Variants in CAVIN2 observed in about 807,000 individuals in gnomAD.
CAVIN2 encodes caveolae associated protein 2.
A neutral mutation model predicts 11.7 loss-of-function variants in CAVIN2; 13 were observed. That is an observed-to-expected ratio of 1.11 (90% CI 0.72 to 1.77). The LOEUF is 1.77. Among genes scored for constraint, CAVIN2 ranks in the 40% most tolerant of loss-of-function variants. CAVIN2 has a pLI of 0.00. For missense variants in CAVIN2, 549 were observed against 542.9 expected (o/e 1.01, Z -0.11); for synonymous variants, 237 against 223.2 (o/e 1.06, Z -0.55).
At position 191,841,982 on chromosome 2, in the gene CAVIN2, C is replaced by T. The variant is rs1005755073; in HGVS notation, c.483+4461G>A. Among the ~76,000 whole-genome samples the T allele has an allele frequency of 6.6e-5, 10 of 152,228 alleles. No individual in the cohort carries two copies. The South Asian group carries it at 1.0e-3, about 16-fold the overall frequency. ...AATATCCCATATGGGAACATTGTAG[C>T]GTGATAGAAACATGGCGAGTTGTCA... On this transcript the variant is annotated intron_variant, in intron 1 of 1. Coordinates refer to ENST00000304141, the MANE Select transcript of CAVIN2 (RefSeq NM_004657.6).
chr2:191,838,449 C>T (rs4074881), intron 1 of CAVIN2, among the ~76,000 whole-genome samples: 1,642 of 152,180 alleles, frequency 0.011, 25 homozygotes, highest in African/African-American at 0.036. Context: ...TGTCTTGTGT[C>T]GACGCAAAAA....
chr2:191,836,770 T>A, intron 1 of CAVIN2, 53 bp from the exon 2 acceptor site: 1 of 1,503,472 alleles, frequency 6.7e-7, no homozygotes. Flanking sequence ...TCACAAATAG[T>A]CCTGAGCTGC....
intron 1 of CAVIN2, among the ~76,000 whole-genome samples, chr2:191,842,969 A>T (rs779261205): frequency 5.9e-5 from 9 of 152,238 alleles, no homozygotes; most frequent in Non-Finnish European, 1.3e-4. Flanking sequence ...GGATCACCTG[A>T]TGTCAGGAGT....
Position 191,846,593 on chromosome 2 carries a change from C to A in CAVIN2, c.333G>T (p.Val111=). The part of the protein sequence containing the change: ...SKYQASTSNT[V]SKLLEKSRKV... ...TGCGGGACTTCTCCAGCAGCTTGCT[C>A]ACCGTGTTGCTGGTGGAGGCCTGGT... is the stretch of plus-strand genomic sequence containing the variant. Residue 111 remains valine, a synonymous_variant, in exon 1 of 2, where the codon GTG becomes GTT. Transcript: ENST00000304141. 1 of 1,614,270 alleles carries A rather than the reference C, an allele frequency of 6.2e-7. No homozygotes were observed. The highest frequency in any genetic ancestry group is 1.1e-5 in the South Asian group (1 of 91,090).
Position 191,836,184 on chromosome 2 carries a change from T to C in CAVIN2, c.1017A>G (p.Glu339=). Residue 339 remains glutamate (E), a synonymous_variant, in exon 2 of 2, where the codon GAA becomes GAG. Coordinates refer to ENST00000304141, the MANE Select transcript of CAVIN2 (RefSeq NM_004657.6). ...CCACCAGAGCGCTGGCGAGGGACGC[T>C]TCGGAATGACCCTCTGCAAAGGACT... The part of the protein sequence containing the change: ...EEESFAEGHS[E]ASLASALVEG... 1 of 1,614,136 alleles carries C rather than the reference T, an allele frequency of 6.2e-7. No individual in the cohort carries two copies. The highest frequency in any genetic ancestry group is 8.5e-7 in the Non-Finnish European group (1 of 1,180,030).
chr2:191,846,396 G>A, intron 1 of CAVIN2, 47 bp downstream of exon 1: 3 of 1,546,486 alleles, frequency 1.9e-6, no homozygotes, highest in Non-Finnish European at 2.6e-6. Context: ...GATCAAGAAT[G>A]ATAAGGAGTT....
rs1690005069 is a variant in CAVIN2 at position 191,835,874 on chromosome 2, C to T, written c.*49G>A. The T allele has an allele frequency of 5.1e-6, 8 of 1,554,060 alleles. No homozygotes were observed. On this transcript the variant is annotated 3_prime_UTR_variant, in exon 2 of 2. Coordinates refer to ENST00000304141, the MANE Select transcript of CAVIN2 (RefSeq NM_004657.6). ...GATGTGCAAGAGTTTGTTCTTCAGC[C>T]CTGGCTGCCCGCTTGAGCACAGCAC...
rs920625240 is a variant in CAVIN2, at chr2:191,846,883, C to T, written c.43G>A (p.Gly15Arg). ...GGCTTTTCCTGCCGCATGTCAGACC[C>T]AGGGTGCTGGAACTTTTCGGCCTGT... is the stretch of plus-strand genomic sequence containing the variant. The part of the protein sequence containing the change: ...AAQAEKFQHP[G>R]SDMRQEKPSS... The change falls in exon 1 of 2, where the codon GGG (glycine) becomes AGG (arginine). Residue 15 changes from glycine (G) to arginine (R), a missense_variant. By Grantham distance (125) the Gly-to-Arg change is moderately radical. Coordinates refer to ENST00000304141, the MANE Select transcript of CAVIN2 (RefSeq NM_004657.6). The T allele has an allele frequency of 3.7e-6, 6 of 1,613,778 alleles. No individual in the cohort carries two copies. Among genetic ancestry groups the T allele is most frequent in the Non-Finnish European group, 5.1e-6 (6 of 1,179,860 alleles).
At chr2:191,840,735 C>T (rs905669106) in intron 1 of CAVIN2, among the ~76,000 whole-genome samples, 5 of 152,080 alleles carry the variant, frequency 3.3e-5, no homozygotes, top group South Asian at 2.1e-4. Context: ...ATATGCACAC[C>T]TTAACAGAAA....
At chr2:191,840,392 C>T (rs1397303765) in intron 1 of CAVIN2, among the ~76,000 whole-genome samples, 4 of 152,170 alleles carry the variant, frequency 2.6e-5, no homozygotes, top group African/African-American at 9.7e-5. Flanking sequence ...TGATTATTTA[C>T]CCTTTGTTTT....
Position 191,835,649 on chromosome 2 carries a change from A to T in CAVIN2, c.*274T>A. On this transcript the variant is annotated 3_prime_UTR_variant, in exon 2 of 2. Transcript: ENST00000304141. ...CTGTTTTTTTCTGACTAAGTCAAAG[A>T]GATTAGCATTTTTCAACTGCTCAGT... is the stretch of plus-strand genomic sequence containing the variant. 2.4e-6 allele frequency: 1 copy of T among 411,686 alleles called. No homozygotes were observed. The highest frequency in any genetic ancestry group is 4.3e-6 in the Non-Finnish European group (1 of 230,984). 25.5% of individuals were successfully genotyped at this position (411,686 alleles called of 1,614,324 possible).
In CAVIN2 at chr2:191,846,659, G is replaced by C; in HGVS notation, c.267C>G (p.Ser89=). The C allele has an allele frequency of 6.2e-7, 1 of 1,614,170 alleles. No individual in the cohort carries two copies. The highest frequency in any genetic ancestry group is 8.5e-7 in the Non-Finnish European group (1 of 1,180,022). Residue 89 remains serine (S), a synonymous_variant, in exon 1 of 2, where the codon TCC becomes TCG. Coordinates refer to ENST00000304141, the MANE Select transcript of CAVIN2 (RefSeq NM_004657.6). ...MEQRQISLEG[S]VKGIQNDLTK... ...TGAGGTCATTCTGGATGCCCTTCAC[G>C]GAGCCCTCCAAACTGATCTGTCGCT...
At chr2:191,840,642 A>G (rs1690080129) in intron 1 of CAVIN2, among the ~76,000 whole-genome samples, 1 of 152,200 alleles carries the variant, frequency 6.6e-6, no homozygotes, top group Admixed American at 6.5e-5. Flanking sequence ...GTATCAACAC[A>G]GACAAACTTG....
rs1052484798 is a variant in CAVIN2 at position 191,836,693 on chromosome 2, C to G, written c.508G>C (p.Val170Leu). The G allele has an allele frequency of 6.2e-7, 1 of 1,612,850 alleles. No individual in the cohort carries two copies. The highest frequency in any genetic ancestry group is 1.1e-5 in the South Asian group (1 of 90,998). Residue 170 changes from valine (V) to leucine (L), a missense_variant, in exon 2 of 2, where the codon GTG becomes CTG. By Grantham distance (32) the Val-to-Leu change is conservative. Transcript: ENST00000304141. ...FQEENEIPAS[V>L]FVKQPVSGAV... The stretch of plus-strand genomic sequence containing the variant: ...CCGGAAACGGGCTGTTTCACAAACA[C>G]GCTGGCAGGGATCTCATTTTCCTCC...
chr2:191,836,429 G>A lies in CAVIN2; in HGVS notation c.772C>T (p.Leu258=), dbSNP rs764156694. Reference sequence around the variant, plus strand: ...TCTACAGATACGATCTTTGTCCCCAGCTTGTTCATCTTTTTCTCGATGTTC... The same window carrying A: ...TCTACAGATACGATCTTTGTCCCCAACTTGTTCATCTTTTTCTCGATGTTC... ...RQNIEKKMNK[L]GTKIVSVERR... Residue 258 remains leucine, a synonymous_variant, in exon 2 of 2, where the codon CTG becomes TTG. Transcript: ENST00000304141. 2.5e-6 allele frequency: 4 copies of A among 1,614,130 alleles called. No homozygotes were observed. The highest frequency in any genetic ancestry group is 3.4e-6 in the Non-Finnish European group (4 of 1,180,032).
rs116274727 is a variant in CAVIN2 at position 191,836,539 on chromosome 2, T to C, written c.662A>G (p.Glu221Gly). 5.6e-3 allele frequency: 9,038 copies of C among 1,614,136 alleles called. 40 individuals are homozygous for C. Among genetic ancestry groups the C allele is most frequent in the Non-Finnish European group, 6.7e-3 (7,872 of 1,180,030 alleles). The change falls in exon 2 of 2, where the codon GAA becomes GGA. Residue 221 changes from glutamate (E) to glycine (G), a missense_variant. Coordinates refer to ENST00000304141, the MANE Select transcript of CAVIN2 (RefSeq NM_004657.6). ...DEEALEDSAE[E>G]KVEESRAEKI... is the part of the protein sequence containing the mutation. ...CTCTGCCCTACTTTCTTCCACCTTT[T>C]CCTCGGCACTGTCTTCCAGGGCCTC...
At chr2:191,837,012 C>T (rs923351177) in intron 1 of CAVIN2, among the ~76,000 whole-genome samples, 3 of 152,150 alleles carry the variant, frequency 2.0e-5, no homozygotes. Flanking sequence ...AGGAAGCTGC[C>T]TAGATAACAG....
Position 191,835,611 on chromosome 2 carries a change from T to G in CAVIN2, c.*312A>C. On this transcript the variant is annotated 3_prime_UTR_variant, in exon 2 of 2. Transcript: ENST00000304141. The stretch of plus-strand genomic sequence containing the variant: ...AATGAATCACTTTTCATGACTAGTA[T>G]CTTAATTATCCTCTGTTTTTTTCTG... 1 of 318,354 alleles carries G rather than the reference T, an allele frequency of 3.1e-6. No homozygotes were observed. Among genetic ancestry groups the G allele is most frequent in the Non-Finnish European group, 5.8e-6 (1 of 172,628 alleles). 19.7% of individuals were successfully genotyped at this position (318,354 alleles called of 1,614,324 possible). A position where few individuals can be genotyped will look rare whatever the true frequency, so the allele number is the denominator to read the frequency against.
chr2:191,839,973 G>A (rs4280394), intron 1 of CAVIN2, among the ~76,000 whole-genome samples: 22,553 of 152,156 alleles, frequency 0.15, 2,277 homozygotes, highest in Non-Finnish European at 0.22. Flanking sequence ...TGACAGTGAA[G>A]TAACTCTTAT....
Sources: gnomAD v4.1 joint callset for allele counts (sites outside exome capture counted in the v4.1 genomes callset) on GRCh38, gnomAD v4.1.1 for gene constraint, MANE v1.5 for transcripts, NCBI Gene and HGNC (gene_info 2026-07-23, HGNC 2026-07-21) for gene names.